Variants in PRKG1 observed in about 807,000 individuals in gnomAD.
PRKG1 encodes the protein cGMP-dependent protein kinase 1.
PRKG1 carries 35 observed loss-of-function variants against 88.1 expected under a neutral mutation model. That is an observed-to-expected ratio of 0.40 (90% confidence interval 0.30 to 0.53). The LOEUF is 0.53. Ranked by LOEUF, PRKG1 falls within the 20% of genes least tolerant of loss-of-function variation. The pLI is 0.59. For missense variants in PRKG1, 540 were observed against 839.8 expected (o/e 0.64, Z 4.41); for synonymous variants, 303 against 292.5 (o/e 1.04, Z -0.37).
intron 5 of PRKG1, among the ~76,000 whole-genome samples, chr10:51,926,474 T>C (rs1293475306): frequency 6.6e-6 from 1 of 152,152 alleles, no homozygotes; most frequent in African/African-American, 2.4e-5. Flanking sequence ...TGCTGAACAG[T>C]TTATTCCGAG....
chr10:51,701,549 T>C (rs960108428), intron 3 of PRKG1, among the ~76,000 whole-genome samples: 2 of 152,194 alleles, frequency 1.3e-5, no homozygotes, highest in African/African-American at 4.8e-5. Context: ...GTTTCCCCAG[T>C]GTGATTCTTT....
chr10:50,994,042 C>T (rs1454390988), intron 1 of PRKG1, among the ~76,000 whole-genome samples: 1 of 152,174 alleles, frequency 6.6e-6, no homozygotes. Context: ...CCTCTCTGTG[C>T]TGATTTACAC....
intron 1 of PRKG1, among the ~76,000 whole-genome samples, chr10:51,149,354 C>T (rs1358036601): frequency 1.3e-5 from 2 of 152,070 alleles, no homozygotes; most frequent in African/African-American, 4.8e-5. Flanking sequence ...TATTTATTAA[C>T]AGTGAATAGT....
intron 3 of PRKG1, among the ~76,000 whole-genome samples, chr10:51,748,250 C>T (rs768529583): frequency 4.6e-5 from 7 of 152,194 alleles, no homozygotes. Flanking sequence ...GGTGCCATTA[C>T]ATGTTCTACG....
At chr10:51,300,421 G>A (rs978273028) in intron 2 of PRKG1, among the ~76,000 whole-genome samples, 1 of 152,112 alleles carries the variant, frequency 6.6e-6, no homozygotes, top group Non-Finnish European at 1.5e-5. Context: ...ATCTCAGTGG[G>A]TTACTGTATT....
At position 52,271,392 on chromosome 10, in the gene PRKG1, A is replaced by T; in HGVS notation, c.1216A>T (p.Ile406Phe). 2 of 1,612,904 alleles carry T rather than the reference A, an allele frequency of 1.2e-6. No individual in the cohort carries two copies. Among genetic ancestry groups the T allele is most frequent in the Non-Finnish European group, 1.7e-6 (2 of 1,179,292 alleles). The change falls in exon 11 of 18, where the codon ATT becomes TTT. Residue 406 changes from isoleucine to phenylalanine, a missense_variant. By Grantham distance (21) the Ile-to-Phe change is conservative (BLOSUM62 0). Around this residue, in one of 5 missense-constraint regions of PRKG1, gnomAD observed 400 missense variants for 562.7 expected, o/e 0.71. Transcript: ENST00000373980. ...SEESKTFAMK[I>F]LKKRHIVDTR... is the part of the protein sequence containing the mutation. ...AGAATCCAAAACGTTTGCAATGAAGATTCTCAAGAAACGTCACATTGTGGA... is the reference window on the plus strand; with the variant it reads ...AGAATCCAAAACGTTTGCAATGAAGTTTCTCAAGAAACGTCACATTGTGGA...
intron 13 of PRKG1, among the ~76,000 whole-genome samples, 173 bp downstream of exon 13, chr10:52,281,103 A>G (rs1381608020): frequency 1.3e-5 from 2 of 152,190 alleles, no homozygotes; most frequent in Non-Finnish European, 2.9e-5. Context: ...ATGATGCATC[A>G]GTTATGAAAA....
At chr10:52,040,865 CT>C (rs1263075911) in intron 5 of PRKG1, among the ~76,000 whole-genome samples, 1 of 92,010 alleles carries the variant, frequency 1.1e-5, no homozygotes, top group East Asian at 3.3e-4. Context: ...AGATGGGAGT[CT>C]TGCTTTGTCA....
At chr10:52,042,219 A>G (rs919127534) in intron 5 of PRKG1, among the ~76,000 whole-genome samples, 2 of 152,184 alleles carry the variant, frequency 1.3e-5, no homozygotes, top group Non-Finnish European at 2.9e-5. Context: ...AAATAGAAAA[A>G]TCAATACTAA....
At position 51,704,403 on chromosome 10, in the gene PRKG1, T is replaced by C. The variant is rs1248453896; in HGVS notation, c.593-100182T>C. On this transcript the variant is annotated intron_variant, in intron 3 of 17. Transcript: ENST00000373980. ...TTTGCTAATTCACAAATATTTCATT[T>C]TACCAAGGACGGAGCCTGTGGCATT... Among the ~76,000 whole-genome samples the C allele has an allele frequency of 3.9e-5, 6 of 152,302 alleles. No individual in the cohort carries two copies. In the East Asian group the frequency reaches 9.7e-4, roughly 25 times the overall value.
chr10:51,056,735 C>A (rs187861001), intron 1 of PRKG1, among the ~76,000 whole-genome samples: 86 of 152,274 alleles, frequency 5.6e-4, no homozygotes, highest in Non-Finnish European at 1.1e-3. Flanking sequence ...ATTCCAAGAT[C>A]CTCTTCAATC....
At chr10:51,222,418 A>G (rs1292359601) in intron 2 of PRKG1, among the ~76,000 whole-genome samples, 2 of 152,116 alleles carry the variant, frequency 1.3e-5, no homozygotes, top group Admixed American at 6.5e-5. Flanking sequence ...ATTGGTTCAA[A>G]CACTCTGGCA....
intron 2 of PRKG1, among the ~76,000 whole-genome samples, chr10:51,200,861 C>G (rs1589239119): frequency 6.6e-6 from 1 of 152,070 alleles, no homozygotes; most frequent in Non-Finnish European, 1.5e-5. Flanking sequence ...TTTTATTAAT[C>G]ATCGATCCAC....
chr10:52,055,210 A>G (rs933811242), intron 6 of PRKG1, among the ~76,000 whole-genome samples: 2 of 152,242 alleles, frequency 1.3e-5, no homozygotes, highest in Non-Finnish European at 2.9e-5. Flanking sequence ...CATTGCTATA[A>G]TGAAACATCT....
At chr10:52,220,735 A>G (rs1186329616) in intron 9 of PRKG1, among the ~76,000 whole-genome samples, 1 of 152,146 alleles carries the variant, frequency 6.6e-6, no homozygotes, top group Non-Finnish European at 1.5e-5. Context: ...ATGTTCCTGC[A>G]GAGGACAGGA....
At chr10:51,670,791 T>A in intron 3 of PRKG1, among the ~76,000 whole-genome samples, 1 of 149,398 alleles carries the variant, frequency 6.7e-6, no homozygotes, top group Admixed American at 6.7e-5. Flanking sequence ...TAAATAAAAA[T>A]GCAAGATACA....
intron 3 of PRKG1, among the ~76,000 whole-genome samples, chr10:51,769,001 G>A (rs1209209261): frequency 1.3e-5 from 2 of 152,136 alleles, no homozygotes; most frequent in African/African-American, 4.8e-5. Flanking sequence ...TAAAAACCTA[G>A]GACAAAGGAC....
Position 51,991,381 on chromosome 10 carries a change from G to GTT in PRKG1, c.763-63103_763-63102insTT, listed in dbSNP as rs200928170. On this transcript the variant is annotated intron_variant, in intron 5 of 17. Coordinates refer to ENST00000373980, the MANE Select transcript of PRKG1 (RefSeq NM_006258.4). ...AAAGTAGTCATCCTTGTCTTTTCCA[G>GTT]ATTTTTTTTTTAAATATACTTTAAG... Among the ~76,000 whole-genome samples, 5 of 151,966 alleles carry GTT rather than the reference G, an allele frequency of 3.3e-5. No individual in the cohort carries two copies. In the East Asian group the frequency reaches 9.7e-4, roughly 29 times the overall value.
In PRKG1 at chr10:51,989,962, T is replaced by A. The variant is rs569173703; in HGVS notation, c.763-64522T>A. Reference sequence around the variant, plus strand: ...TCAGGTTTTACATTTAAATCTTTAATCCCTTTTAAGTTGTTTTTGAGTTAA... The same window carrying A: ...TCAGGTTTTACATTTAAATCTTTAAACCCTTTTAAGTTGTTTTTGAGTTAA... On this transcript the variant is annotated intron_variant, in intron 5 of 17. Coordinates refer to ENST00000373980, the MANE Select transcript of PRKG1 (RefSeq NM_006258.4). Among the ~76,000 whole-genome samples the A allele has an allele frequency of 5.9e-4, 90 of 152,264 alleles. 1 individual carries two copies. The highest frequency in any genetic ancestry group is 9.7e-4 in the Non-Finnish European group (66 of 68,000).
Sources: gnomAD v4.1 joint callset for allele counts (sites outside exome capture counted in the v4.1 genomes callset) on GRCh38, gnomAD v4.1.1 for gene constraint, gnomAD v4.1.1 regional missense constraint, MANE v1.5 for transcripts, NCBI Gene and HGNC (gene_info 2026-07-23, HGNC 2026-07-21) for gene names.